CCDC3: variants seen among roughly 807,000 people sequenced by gnomAD.
CCDC3 encodes the protein coiled-coil domain containing 3, also known as coiled-coil domain-containing protein 3.
CCDC3 carries 24 observed loss-of-function variants against 21.4 expected under a neutral mutation model. The observed-to-expected ratio is 1.12, with a 90% CI of 0.81 to 1.58. CCDC3 has a LOEUF of 1.58. CCDC3 is among the 40% of genes most tolerant of loss of function. The pLI is 0.00. For missense variants in CCDC3, 425 were observed against 360.9 expected, an observed-to-expected ratio of 1.18 and a Z score of -1.44; for synonymous variants, 186 against 166.0, an observed-to-expected ratio of 1.12 and a Z score of -0.93.
intron 2 of CCDC3, among the ~76,000 whole-genome samples, chr10:12,993,774 C>T (rs1835714585): frequency 6.6e-6 from 1 of 152,154 alleles, no homozygotes; most frequent in Admixed American, 6.5e-5. Flanking sequence ...GACATCTTGG[C>T]AGCTTTTGAA....
intron 4 of CCDC3, among the ~76,000 whole-genome samples, chr10:13,072,672 TTTTTTC>T (rs200523732): frequency 7.5e-4 from 105 of 140,368 alleles, no homozygotes; most frequent in South Asian, 1.4e-3. Flanking sequence ...CTTTGCTGAG[TTTTTTC>T]TTTTTTTTTC....
chr10:13,061,107 G>A (rs1417096104), intron 4 of CCDC3, among the ~76,000 whole-genome samples: 1 of 152,164 alleles, frequency 6.6e-6, no homozygotes, highest in Non-Finnish European at 1.5e-5. Flanking sequence ...GTCTCAGAGA[G>A]GTTTCTGAGG....
chr10:12,914,670 C>G (rs937654257), intron 2 of CCDC3, among the ~76,000 whole-genome samples: 1 of 152,148 alleles, frequency 6.6e-6, no homozygotes, highest in African/African-American at 2.4e-5. Flanking sequence ...TTTCAAACTC[C>G]TGGCCTCAAG....
intron 3 of CCDC3, among the ~76,000 whole-genome samples, chr10:13,089,623 A>AC (rs199787486): frequency 4.0e-5 from 6 of 149,020 alleles, no homozygotes; most frequent in East Asian, 2.0e-4. Context: ...TTCTTTCAGC[A>AC]CCCCCCCTTA....
chr10:13,076,122 G>A (rs1056184477), intron 3 of CCDC3, among the ~76,000 whole-genome samples: 3 of 152,128 alleles, frequency 2.0e-5, no homozygotes, highest in African/African-American at 7.2e-5. Context: ...AAATAGGGAA[G>A]CAAAGGAGGC....
At position 12,908,816 on chromosome 10, in the gene CCDC3, C is replaced by T. The variant is rs184270709; in HGVS notation, c.550-10137G>A. Among the ~76,000 whole-genome samples, 403 of 152,256 alleles carry T rather than the reference C, an allele frequency of 2.6e-3. 2 individuals carry two copies. The highest frequency in any genetic ancestry group is 5.0e-3 in the South Asian group (24 of 4,820). ...CTGTGTTGGCCAGGCTGGTTTCAAACTCCTGACCTCGTGGTCCATCCGCCT... is the reference window on the plus strand; with the variant it reads ...CTGTGTTGGCCAGGCTGGTTTCAAATTCCTGACCTCGTGGTCCATCCGCCT... On this transcript the variant is annotated intron_variant, in intron 2 of 2. Coordinates refer to ENST00000378825, the MANE Select transcript of CCDC3 (RefSeq NM_031455.4).
chr10:12,967,261 T>A (rs66490654), intron 2 of CCDC3, among the ~76,000 whole-genome samples: 11,662 of 152,216 alleles, frequency 0.077, 604 homozygotes, highest in African/African-American at 0.15. Context: ...TGAACAGACA[T>A]CAGCATAAGG....
intron 2 of CCDC3, among the ~76,000 whole-genome samples, chr10:12,966,110 G>A (rs1360479955): frequency 6.6e-6 from 1 of 151,952 alleles, no homozygotes; most frequent in Non-Finnish European, 1.5e-5. Context: ...GCCCCTGGCA[G>A]TAGCGTAAAT....
Position 12,904,468 on chromosome 10 carries a change from T to TAAAAAAAA in CCDC3, c.550-5797_550-5790dup, listed in dbSNP as rs55772750. ...TAAGTTACAGAGCAAAAGCCAGTCT[T>TAAAAAAAA]AAAAAAAAAAAAAAAAAAAAAAAGA... On this transcript the variant is annotated intron_variant, in intron 2 of 2. Coordinates refer to ENST00000378825, the MANE Select transcript of CCDC3 (RefSeq NM_031455.4). Among the ~76,000 whole-genome samples, 402 of 40,906 alleles carry TAAAAAAAA rather than the reference T, an allele frequency of 9.8e-3. 110 individuals are homozygous for TAAAAAAAA. In the Middle Eastern group the frequency reaches 0.14, roughly 14 times the overall value. The allele number at this position is 40,906 out of a possible 152,430, so 26.8% of individuals were successfully genotyped here.
At chr10:12,959,512 C>T (rs1406397613) in intron 2 of CCDC3, among the ~76,000 whole-genome samples, 2 of 152,148 alleles carry the variant, frequency 1.3e-5, no homozygotes, top group African/African-American at 2.4e-5. Context: ...TTCCTCAGCA[C>T]AGTGCCTGGC....
intron 4 of CCDC3, among the ~76,000 whole-genome samples, chr10:13,054,154 C>CACAAAAAA (rs1836650170): frequency 2.0e-5 from 2 of 99,914 alleles, no homozygotes; most frequent in Non-Finnish European, 4.2e-5. Flanking sequence ...GACTCTGTAT[C>CACAAAAAA]AAAAAAAAAA....
intron 2 of CCDC3, among the ~76,000 whole-genome samples, chr10:12,952,791 C>G (rs752781644): frequency 1.3e-5 from 2 of 152,194 alleles, no homozygotes; most frequent in Non-Finnish European, 2.9e-5. Context: ...CCTTCCCTCA[C>G]CACATGCCCT....
intron 2 of CCDC3, among the ~76,000 whole-genome samples, chr10:12,982,479 T>G (rs1835513849): frequency 6.6e-6 from 1 of 151,880 alleles, no homozygotes; most frequent in African/African-American, 2.4e-5. Context: ...GATTTCATAT[T>G]ACGTGTTTTT....
chr10:13,071,604 T>C (rs1836883098), intron 4 of CCDC3, among the ~76,000 whole-genome samples: 1 of 152,092 alleles, frequency 6.6e-6, no homozygotes, highest in African/African-American at 2.4e-5. Context: ...TTAACATGGG[T>C]GAAAGCCACT....
At chr10:12,926,947 G>T (rs1834551010) in intron 2 of CCDC3, among the ~76,000 whole-genome samples, 1 of 152,010 alleles carries the variant, frequency 6.6e-6, no homozygotes, top group African/African-American at 2.4e-5. Context: ...GCACTAGAAA[G>T]ATGAATAAAA....
At chr10:13,047,646 C>T (rs945198086) in intron 5 of CCDC3, among the ~76,000 whole-genome samples, 2 of 152,110 alleles carry the variant, frequency 1.3e-5, no homozygotes, top group Non-Finnish European at 2.9e-5. Context: ...TAATCTGCTC[C>T]GGAGCCCAGT....
At position 12,998,346 on chromosome 10, in the gene CCDC3, CT is replaced by C. The variant is rs752994357; in HGVS notation, c.540del (p.Asp181ThrfsTer41). ...ATFSSDWEIQEDSRLMCSSVQ... is the reference protein window; with the variant it reads ...ATFSSDWEIQXDSRLMCSSVQ... ...ATTTAGCCAATTCTTACCCTACTGT[CT>C]TCCTGGATTTCCCAGTCACTGGAGA... On this transcript the variant is annotated frameshift_variant, in exon 2 of 3. Coordinates refer to ENST00000378825, the MANE Select transcript of CCDC3 (RefSeq NM_031455.4). LOFTEE classifies it high-confidence loss of function. 3.1e-6 allele frequency: 5 copies of C among 1,614,032 alleles called. No homozygotes were observed. Among genetic ancestry groups the C allele is most frequent in the Middle Eastern group, 1.6e-4 (1 of 6,062 alleles).
At chr10:13,093,927 G>C (rs1226190333) in intron 3 of CCDC3, among the ~76,000 whole-genome samples, 6 of 152,136 alleles carry the variant, frequency 3.9e-5, no homozygotes, top group Non-Finnish European at 8.8e-5. Flanking sequence ...GTATTTTTCA[G>C]ACAATGACGA....
chr10:13,023,097 G>C, intron 5 of CCDC3, among the ~76,000 whole-genome samples: 1 of 144,532 alleles, frequency 6.9e-6, no homozygotes, highest in African/African-American at 2.5e-5. Flanking sequence ...CTTTTTTTTT[G>C]CACAAAACAG....
Sources: gnomAD v4.1 joint callset for allele counts (sites outside exome capture counted in the v4.1 genomes callset) on GRCh38, gnomAD v4.1.1 for gene constraint, MANE v1.5 for transcripts, NCBI Gene and HGNC (gene_info 2026-07-23, HGNC 2026-07-21) for gene names.